The following NME8 variants were observed in gnomAD, a reference collection of about 807,000 sequenced individuals.
NME8 encodes the protein NME/NM23 family member 8, also known as protein NME8.
A neutral mutation model predicts 82.3 loss-of-function variants in NME8; 72 were observed. The observed-to-expected ratio is 0.87, with a 90% confidence interval of 0.72 to 1.06. The LOEUF (loss-of-function observed/expected upper bound fraction) is 1.06. NME8 is among the 50% of genes least tolerant of loss of function. NME8 has a pLI of 0.00. For synonymous variants in NME8, 267 were observed against 228.5 expected (o/e 1.17, Z -1.52); for missense variants, 712 against 685.4 (o/e 1.04, Z -0.43).
chr7:37,864,457 G>A (rs1253030711), intron 9 of NME8, 36 bp downstream of exon 9: 1 of 1,470,990 alleles, frequency 6.8e-7, no homozygotes, highest in Non-Finnish European at 9.3e-7. Context: ...TAAATTAATT[G>A]CAAAATAACA....
At chr7:37,885,816 G>A (rs750010317) in intron 14 of NME8, among the ~76,000 whole-genome samples, 4 of 152,264 alleles carry the variant, frequency 2.6e-5, no homozygotes, top group African/African-American at 7.2e-5. Flanking sequence ...GATAGAAATA[G>A]TATCTCACGC....
At chr7:37,887,263 C>G (rs1388390432) in intron 14 of NME8, among the ~76,000 whole-genome samples, 1 of 152,160 alleles carries the variant, frequency 6.6e-6, no homozygotes, top group African/African-American at 2.4e-5. Context: ...CCTGCCTCTT[C>G]CCACAAAGCT....
At chr7:37,883,309 C>A (rs960163082) in intron 12 of NME8, among the ~76,000 whole-genome samples, 16 of 152,240 alleles carry the variant, frequency 1.1e-4, no homozygotes, top group African/African-American at 3.9e-4. Context: ...TTAAAAAAAA[C>A]TTCAGTGTCT....
At chr7:37,891,448 A>C (rs1785128000) in intron 15 of NME8, among the ~76,000 whole-genome samples, 1 of 151,720 alleles carries the variant, frequency 6.6e-6, no homozygotes, top group Non-Finnish European at 1.5e-5. Flanking sequence ...ATAAACTCAC[A>C]TAATATGTTT....
intron 13 of NME8, 148 bp from the exon 14 acceptor site, chr7:37,884,997 G>A (rs1021012760): frequency 2.0e-5 from 13 of 645,212 alleles, no homozygotes; most frequent in African/African-American, 1.6e-4. Flanking sequence ...ACATATCAAC[G>A]GAAAAAAATC....
intron 6 of NME8, among the ~76,000 whole-genome samples, chr7:37,857,569 A>G (rs1784529219): frequency 1.3e-5 from 2 of 152,228 alleles, no homozygotes; most frequent in Admixed American, 6.5e-5. Flanking sequence ...AGGGAAAGGA[A>G]AAGTAAGATG....
intron 11 of NME8, 130 bp from the exon 12 acceptor site, chr7:37,876,702 T>C: frequency 2.9e-6 from 2 of 686,010 alleles, no homozygotes; most frequent in Non-Finnish European, 5.0e-6. Flanking sequence ...ATGCAATTTA[T>C]CTTTACATGA....
intron 16 of NME8, 127 bp downstream of exon 16, chr7:37,894,737 A>G: frequency 3.1e-6 from 3 of 967,140 alleles, no homozygotes; most frequent in Non-Finnish European, 4.6e-6. Context: ...CATTCTGCTA[A>G]CATTCATGGT....
In NME8 at chr7:37,867,804, C is replaced by T. The variant is rs757897300; in HGVS notation, c.724C>T (p.Pro242Ser). 3 of 1,613,892 alleles carry T rather than the reference C, an allele frequency of 1.9e-6. No homozygotes were observed. The highest frequency in any genetic ancestry group is 2.5e-6 in the Non-Finnish European group (3 of 1,179,826). Residue 242 changes from proline to serine, a missense_variant, in exon 11 of 18, where the codon CCA becomes TCA. By Grantham distance (74) the Pro-to-Ser change is moderately conservative. Transcript: ENST00000199447. ...KHNPPSEETEPQTDTEPNERS... is the reference protein window; with the variant it reads ...KHNPPSEETESQTDTEPNERS... Reference sequence around the variant, plus strand: ...CAATCCTCCCTCTGAAGAAACCGAACCACAGACTGACACCGAACCTAACGA... The same window carrying T: ...CAATCCTCCCTCTGAAGAAACCGAATCACAGACTGACACCGAACCTAACGA...
intron 10 of NME8, among the ~76,000 whole-genome samples, chr7:37,865,854 A>G (rs1193279671): frequency 6.6e-6 from 1 of 152,150 alleles, no homozygotes; most frequent in Non-Finnish European, 1.5e-5. Context: ...TTTTGTTGAC[A>G]TGAAGACCTC....
intron 12 of NME8, among the ~76,000 whole-genome samples, chr7:37,881,526 T>A (rs1427907012): frequency 6.6e-6 from 1 of 152,182 alleles, no homozygotes; most frequent in East Asian, 1.9e-4. Flanking sequence ...GGTTTGTAAT[T>A]TTTTTATACA....
intron 14 of NME8, among the ~76,000 whole-genome samples, chr7:37,885,901 G>A (rs748731877): frequency 2.2e-4 from 33 of 152,160 alleles, no homozygotes; most frequent in Non-Finnish European, 1.0e-4. Context: ...GCTGATTTTA[G>A]GGTAGGATTC....
chr7:37,850,523 C>G, intron 4 of NME8, 88 bp downstream of exon 4: 3 of 1,546,876 alleles, frequency 1.9e-6, no homozygotes. Context: ...CCCACTTTGA[C>G]CAAGAAATCC....
intron 8 of NME8, among the ~76,000 whole-genome samples, chr7:37,863,739 A>G (rs976353199): frequency 3.3e-5 from 5 of 152,078 alleles, no homozygotes; most frequent in South Asian, 2.1e-4. Context: ...GCAGCTTCCT[A>G]TTTCATCCTT....
intron 9 of NME8, among the ~76,000 whole-genome samples, chr7:37,865,145 A>G (rs1021072949): frequency 6.6e-6 from 1 of 152,156 alleles, no homozygotes; most frequent in Non-Finnish European, 1.5e-5. Context: ...CATTAACTCA[A>G]AAGTTCACAG....
intron 14 of NME8, 126 bp downstream of exon 14, chr7:37,885,378 G>A: frequency 1.4e-6 from 1 of 720,522 alleles, no homozygotes; most frequent in Non-Finnish European, 2.5e-6. Context: ...ACCTTTCCTG[G>A]GGACGGAGTG....
At chr7:37,879,732 A>G (rs1784912754) in intron 12 of NME8, among the ~76,000 whole-genome samples, 1 of 152,188 alleles carries the variant, frequency 6.6e-6, no homozygotes, top group Non-Finnish European at 1.5e-5. Flanking sequence ...TGAGTACAGG[A>G]TCATGCTGTA....
chr7:37,853,119 A>G (rs1159036560), intron 5 of NME8, among the ~76,000 whole-genome samples: 1 of 152,124 alleles, frequency 6.6e-6, no homozygotes, highest in Non-Finnish European at 1.5e-5. Context: ...CCATCTGTAT[A>G]TCTTCTTTGA....
At chr7:37,857,135 T>G (rs540932392) in intron 5 of NME8, 139 bp from the exon 6 acceptor site, 1 of 662,102 alleles carries the variant, frequency 1.5e-6, no homozygotes, top group Non-Finnish European at 2.6e-6. Flanking sequence ...TGCAGTTTGA[T>G]CCCTAAAACC....
Sources: gnomAD v4.1 joint callset for allele counts (sites outside exome capture counted in the v4.1 genomes callset) on GRCh38, gnomAD v4.1.1 for gene constraint, MANE v1.5 for transcripts, NCBI Gene and HGNC (gene_info 2026-07-23, HGNC 2026-07-21) for gene names.